Variants in RGS6 observed in about 807,000 individuals in gnomAD.
The protein encoded by RGS6 is regulator of G-protein signaling 6.
In RGS6, 30 loss-of-function variants were observed where a neutral mutation model predicts 78.5. That is an observed-to-expected ratio of 0.38 (90% CI 0.29 to 0.52). The LOEUF is 0.52. RGS6 is among the 20% of genes least tolerant of loss of function. The pLI is 0.85. For missense variants in RGS6, 495 were observed against 609.7 expected (o/e 0.81, Z 1.98); for synonymous variants, 206 against 206.0 (o/e 1.00, Z 0.00).
chr14:72,510,343 C>T lies in RGS6; in HGVS notation c.1091+64C>T, dbSNP rs1381527330. 7 of 1,580,804 alleles carry T rather than the reference C, an allele frequency of 4.4e-6. No individual in the cohort carries two copies. The Admixed American group carries it at 1.2e-4, about 27-fold the overall frequency. On this transcript the variant is annotated intron_variant, in intron 14 of 17. Transcript: ENST00000553525. The stretch of plus-strand genomic sequence containing the variant: ...GTGAAGAAATTTGCATAATCGGTCT[C>T]TCCATCTCTCTCTCTCTCAATGAAA...
rs139792784 is a variant in RGS6, at chr14:71,968,941, A to G, written c.84+4066A>G. On this transcript the variant is annotated intron_variant, in intron 2 of 17. Coordinates refer to ENST00000553525, the MANE Select transcript of RGS6 (RefSeq NM_001204424.2). ...GCTGCACCCATTAACTCTCATTTAC[A>G]TTAGGCATGTCTCCTAATGCTTTCC... is the stretch of plus-strand genomic sequence containing the variant. Among the ~76,000 whole-genome samples the G allele has an allele frequency of 4.1e-3, 632 of 152,292 alleles. 1 individual carries two copies. Among genetic ancestry groups the G allele is most frequent in the African/African-American group, 0.014 (602 of 41,570 alleles).
At chr14:72,032,093 G>C (rs1247316138) in intron 2 of RGS6, among the ~76,000 whole-genome samples, 1 of 152,004 alleles carries the variant, frequency 6.6e-6, no homozygotes, top group Non-Finnish European at 1.5e-5. Context: ...CTACCAACAC[G>C]CTATAAATTT....
intron 14 of RGS6, among the ~76,000 whole-genome samples, chr14:72,512,222 T>A (rs1444970925): frequency 6.6e-6 from 1 of 152,202 alleles, no homozygotes; most frequent in Non-Finnish European, 1.5e-5. Context: ...GCCTGCACTC[T>A]TGCAGAGAGC....
rs118062067 is a variant in RGS6, at chr14:72,304,377, A to G, written c.85-47718A>G. Among the ~76,000 whole-genome samples, 914 of 152,294 alleles carry G rather than the reference A, an allele frequency of 6.0e-3. 5 individuals are homozygous for G. Among genetic ancestry groups the G allele is most frequent in the Non-Finnish European group, 9.9e-3 (671 of 68,024 alleles). On this transcript the variant is annotated intron_variant, in intron 2 of 17. Transcript: ENST00000553525. ...ATAGAGCAATCCTTTGCTTTTCCTA[A>G]TAAGTGCACAGAACTCTATAGTATG...
chr14:71,889,583 G>C, the RGS6 span, among the ~76,000 whole-genome samples: 3 of 152,138 alleles, frequency 2.0e-5, no homozygotes, highest in African/African-American at 7.2e-5. Flanking sequence ...CAACTGCTTC[G>C]TCAGAGAGGG....
intron 2 of RGS6, among the ~76,000 whole-genome samples, chr14:72,003,965 G>C (rs922385791): frequency 2.0e-5 from 3 of 152,164 alleles, no homozygotes; most frequent in Non-Finnish European, 4.4e-5. Flanking sequence ...GCAGCTGAGG[G>C]GTGAAATGCT....
chr14:72,200,947 G>C (rs925654185), intron 2 of RGS6, among the ~76,000 whole-genome samples: 4 of 130,384 alleles, frequency 3.1e-5, no homozygotes, highest in African/African-American at 1.2e-4. Flanking sequence ...ACTTACTCCT[G>C]AATGTGCTCT....
At chr14:72,578,552 A>G in the RGS6 span, among the ~76,000 whole-genome samples, 499 of 152,324 alleles carry the variant, frequency 3.3e-3, 3 homozygotes, top group African/African-American at 0.011. Context: ...CCCTATTCCC[A>G]TCGAAATTCA....
At chr14:71,946,477 G>A (rs2091537723) in intron 1 of RGS6, among the ~76,000 whole-genome samples, 1 of 152,192 alleles carries the variant, frequency 6.6e-6, no homozygotes, top group South Asian at 2.1e-4. Flanking sequence ...TTCCTACCAA[G>A]GACTCATTTC....
At chr14:71,946,108 A>G (rs2091469803) in intron 1 of RGS6, among the ~76,000 whole-genome samples, 1 of 152,156 alleles carries the variant, frequency 6.6e-6, no homozygotes, top group Non-Finnish European at 1.5e-5. Flanking sequence ...GAATAAATAT[A>G]TTGATTACAT....
At chr14:72,041,417 A>C (rs1475712239) in intron 2 of RGS6, among the ~76,000 whole-genome samples, 1 of 152,230 alleles carries the variant, frequency 6.6e-6, no homozygotes, top group African/African-American at 2.4e-5. Context: ...TCTCCGGTAC[A>C]GCAAGAAAAC....
intron 3 of RGS6, among the ~76,000 whole-genome samples, chr14:72,375,504 G>A (rs1202704322): frequency 6.6e-6 from 1 of 152,154 alleles, no homozygotes; most frequent in Non-Finnish European, 1.5e-5. Flanking sequence ...TCCTGGGCCT[G>A]AGAAAGAGCC....
At chr14:72,288,280 G>T (rs1185855370) in intron 2 of RGS6, among the ~76,000 whole-genome samples, 2 of 152,180 alleles carry the variant, frequency 1.3e-5, no homozygotes, top group Non-Finnish European at 2.9e-5. Context: ...AGAAAACTCA[G>T]TTCTTACTTT....
intron 12 of RGS6, among the ~76,000 whole-genome samples, chr14:72,482,787 T>A (rs1313539284): frequency 6.6e-6 from 1 of 152,224 alleles, no homozygotes; most frequent in Non-Finnish European, 1.5e-5. Context: ...CTGTTACCTT[T>A]TATTGGCTAA....
chr14:72,448,714 T>C (rs2153224088), intron 3 of RGS6, among the ~76,000 whole-genome samples: 1 of 152,348 alleles, frequency 6.6e-6, no homozygotes, highest in African/African-American at 2.4e-5. Context: ...TTAATGCCTC[T>C]GTTTCAGGAA....
chr14:71,994,387 C>T (rs1266002671), intron 2 of RGS6, among the ~76,000 whole-genome samples: 1 of 152,072 alleles, frequency 6.6e-6, no homozygotes, highest in Non-Finnish European at 1.5e-5. Context: ...AGGATAGTTT[C>T]TCCCTGTAGG....
At chr14:72,243,292 G>C (rs1336499348) in intron 2 of RGS6, among the ~76,000 whole-genome samples, 1 of 152,194 alleles carries the variant, frequency 6.6e-6, no homozygotes, top group African/African-American at 2.4e-5. Flanking sequence ...CTAGGAAATA[G>C]TTTTTCTACA....
chr14:71,876,356 T>C, the RGS6 span, among the ~76,000 whole-genome samples: 1 of 152,146 alleles, frequency 6.6e-6, no homozygotes, highest in Non-Finnish European at 1.5e-5. Flanking sequence ...ATATTTAGGA[T>C]AGTTAGCTCT....
At chr14:72,116,224 G>T (rs2095880800) in intron 2 of RGS6, among the ~76,000 whole-genome samples, 2 of 152,092 alleles carry the variant, frequency 1.3e-5, no homozygotes, top group South Asian at 4.2e-4. Context: ...GTCCTCATCA[G>T]TGCACTGATG....
Sources: allele counts gnomAD v4.1 joint callset (sites outside exome capture counted in the v4.1 genomes callset), GRCh38; gene constraint gnomAD v4.1.1; transcripts MANE v1.5; gene names NCBI Gene and HGNC (gene_info 2026-07-23, HGNC 2026-07-21).